CDYL: variants seen among roughly 807,000 people sequenced by gnomAD.
CDYL encodes the protein chromodomain Y like, also known as chromodomain Y-like protein.
In CDYL, 8 loss-of-function variants were observed where a neutral mutation model predicts 47.3. The ratio of observed to expected loss-of-function variants is 0.17; its 90% CI spans 0.10 to 0.31. CDYL has a LOEUF of 0.31. Ranked by LOEUF, CDYL falls within the 10% of genes least tolerant of loss-of-function variation. The probability of loss-of-function intolerance (pLI) is 1.00; values close to 1 mark genes in which losing one functional copy is unlikely to be tolerated. For synonymous variants in CDYL, 266 were observed against 265.0 expected (o/e 1.00, Z -0.04); for missense variants, 471 against 701.4 (o/e 0.67, Z 3.71).
chr6:4,827,347 T>C (rs1292215950), intron 1 of CDYL, among the ~76,000 whole-genome samples: 2 of 152,248 alleles, frequency 1.3e-5, no homozygotes, highest in Admixed American at 6.5e-5. Context: ...CTTATACTTT[T>C]GTTCCTCATT....
chr6:4,781,497 A>C (rs1230674411), intron 1 of CDYL, among the ~76,000 whole-genome samples: 1 of 152,192 alleles, frequency 6.6e-6, no homozygotes, highest in African/African-American at 2.4e-5. Context: ...TCAAACATGC[A>C]TGTGTGTTTT....
chr6:4,835,536 TGAG>T (rs1417367373), intron 1 of CDYL, among the ~76,000 whole-genome samples: 3 of 152,202 alleles, frequency 2.0e-5, no homozygotes, highest in Admixed American at 6.5e-5. Context: ...GGGACCCACT[TGAG>T]GAGGCAGTCT....
chr6:4,791,858 T>C (rs931655990), intron 1 of CDYL, among the ~76,000 whole-genome samples: 1 of 151,424 alleles, frequency 6.6e-6, no homozygotes, highest in Non-Finnish European at 1.5e-5. Context: ...AAGATAAATA[T>C]AAGTTAATAG....
chr6:4,806,623 ATGCCTTTCTTC>A (rs1759378255), intron 1 of CDYL, among the ~76,000 whole-genome samples: 1 of 151,808 alleles, frequency 6.6e-6, no homozygotes, highest in South Asian at 2.1e-4. Flanking sequence ...TTTCCCATGA[ATGCCTTTCTTC>A]TGTTCCAGGA....
intron 1 of CDYL, among the ~76,000 whole-genome samples, chr6:4,821,432 C>T (rs1759834387): frequency 6.6e-6 from 1 of 151,794 alleles, no homozygotes; most frequent in Non-Finnish European, 1.5e-5. Context: ...GGGAATTCTT[C>T]ATATAAAAGC....
At chr6:4,725,516 C>T (rs549800132) in intron 2 of CDYL, among the ~76,000 whole-genome samples, 434 of 152,342 alleles carry the variant, frequency 2.8e-3, no homozygotes, top group South Asian at 0.018. Flanking sequence ...GGCGAGAAGT[C>T]GAGCACAGCA....
intron 2 of CDYL, among the ~76,000 whole-genome samples, chr6:4,716,363 C>T (rs1263784150): frequency 7.2e-5 from 11 of 152,132 alleles, no homozygotes; most frequent in Non-Finnish European, 1.5e-4. Flanking sequence ...CTCGCAAGCT[C>T]TCCTCTTTTT....
rs115165080 is a variant in CDYL, at chr6:4,809,144, A to G, written c.24+32337A>G. Among the ~76,000 whole-genome samples, 878 of 152,264 alleles carry G rather than the reference A, an allele frequency of 5.8e-3. 8 individuals carry two copies. The highest frequency in any genetic ancestry group is 0.02 in the African/African-American group (834 of 41,552). On this transcript the variant is annotated intron_variant, in intron 1 of 6. Coordinates refer to ENST00000397588, the MANE Select transcript of CDYL (RefSeq NM_004824.4). ...GTTTTGTGCAAATCAACAGATACATATGTATTTTATTGCATTATCTTTCTT... is the reference window on the plus strand; with the variant it reads ...GTTTTGTGCAAATCAACAGATACATGTGTATTTTATTGCATTATCTTTCTT...
chr6:4,885,261 T>C (rs1425081216), intron 1 of CDYL, among the ~76,000 whole-genome samples: 2 of 152,232 alleles, frequency 1.3e-5, no homozygotes, highest in African/African-American at 2.4e-5. Flanking sequence ...TCCAAAGTGC[T>C]GGGATTACAG....
exon 3 of CDYL, chr6:4,734,798 C>T: frequency 5.6e-6 from 9 of 1,614,132 alleles, no homozygotes; most frequent in Non-Finnish European, 6.8e-6. Context: ...CCCAGCATCT[C>T]CGTGAGCAGT....
chr6:4,809,930 T>G (rs112283570), intron 1 of CDYL, among the ~76,000 whole-genome samples: 1 of 150,408 alleles, frequency 6.6e-6, no homozygotes, highest in South Asian at 2.1e-4. Flanking sequence ...GTAGGGGTAT[T>G]ATATTAGTCC....
rs755911807 is a variant in CDYL, at chr6:4,909,548, G to A, written c.691+17169G>A. On this transcript the variant is annotated intron_variant, in intron 2 of 6. Transcript: ENST00000397588. ...TAAGGGTGTGTCTTCGCTTTCTGGT[G>A]TACTTGAGATAAAATTCATACTTTT... 5.7e-4 allele frequency among the ~76,000 whole-genome samples: 87 copies of A among 152,206 alleles called. 1 individual carries two copies. The highest frequency in any genetic ancestry group is 2.1e-4 in the Non-Finnish European group (14 of 68,018).
chr6:4,725,235 C>T (rs1195340449), intron 2 of CDYL, among the ~76,000 whole-genome samples: 1 of 152,250 alleles, frequency 6.6e-6, no homozygotes, highest in Non-Finnish European at 1.5e-5. Context: ...TCTCCAAGTC[C>T]CCACCAGAAT....
chr6:4,845,741 A>G (rs79722844), intron 1 of CDYL, among the ~76,000 whole-genome samples: 1,554 of 152,328 alleles, frequency 0.01, 16 homozygotes, highest in African/African-American at 0.036. Context: ...TGAATTTTGT[A>G]TACTTTTCAT....
At chr6:4,885,966 A>T (rs574833936) in intron 1 of CDYL, among the ~76,000 whole-genome samples, 4 of 152,314 alleles carry the variant, frequency 2.6e-5, no homozygotes, top group South Asian at 4.1e-4. Context: ...TGTCTCTATA[A>T]AATGGCCCAT....
At chr6:4,905,278 G>C (rs1446407273) in intron 2 of CDYL, among the ~76,000 whole-genome samples, 1 of 152,086 alleles carries the variant, frequency 6.6e-6, no homozygotes, top group Non-Finnish European at 1.5e-5. Flanking sequence ...AATTCTCGTT[G>C]GTCTAAAGGA....
chr6:4,791,554 T>G (rs1758916578), intron 1 of CDYL, among the ~76,000 whole-genome samples: 1 of 152,206 alleles, frequency 6.6e-6, no homozygotes. Flanking sequence ...AACTGAGAGT[T>G]TGGCCTCTGA....
chr6:4,825,918 C>G (rs1223651913), intron 1 of CDYL, among the ~76,000 whole-genome samples: 1 of 151,482 alleles, frequency 6.6e-6, no homozygotes, highest in South Asian at 2.1e-4. Flanking sequence ...TAACAACACA[C>G]TGCCTTGTTT....
chr6:4,855,613 C>G (rs568152646), intron 1 of CDYL, among the ~76,000 whole-genome samples: 1 of 152,318 alleles, frequency 6.6e-6, no homozygotes, highest in East Asian at 1.9e-4. Context: ...ATCACAAATT[C>G]ATCTGAAAGT....
Sources: allele counts gnomAD v4.1 joint callset (sites outside exome capture counted in the v4.1 genomes callset), GRCh38; gene constraint gnomAD v4.1.1; transcripts MANE v1.5; gene names NCBI Gene and HGNC (gene_info 2026-07-23, HGNC 2026-07-21).